The following MARCHF8 variants were observed in gnomAD, a reference collection of about 807,000 sequenced individuals.
MARCHF8 encodes membrane associated ring-CH-type finger 8.
MARCHF8 carries 40 observed loss-of-function variants against 51.6 expected under a neutral mutation model. The ratio of observed to expected loss-of-function variants is 0.77; its 90% CI spans 0.60 to 1.01. The LOEUF (loss-of-function observed/expected upper bound fraction) is 1.01, where lower values mean the gene tolerates loss of function less well. MARCHF8 is among the 50% of genes least tolerant of loss of function. The probability of loss-of-function intolerance (pLI) is 0.00; values close to 1 mark genes in which losing one functional copy is unlikely to be tolerated. For synonymous variants in MARCHF8, 263 were observed against 280.3 expected (o/e 0.94, Z 0.62); for missense variants, 685 against 708.6 (o/e 0.97, Z 0.38).
intron 1 of MARCHF8, among the ~76,000 whole-genome samples, chr10:45,567,589 G>T (rs187632297): frequency 6.6e-6 from 1 of 152,104 alleles, no homozygotes; most frequent in Non-Finnish European, 1.5e-5. Flanking sequence ...CTCACTGTAC[G>T]TGTGTGGATT....
At chr10:45,544,398 G>T (rs779790936) in intron 1 of MARCHF8, among the ~76,000 whole-genome samples, 1 of 152,108 alleles carries the variant, frequency 6.6e-6, no homozygotes, top group Non-Finnish European at 1.5e-5. Flanking sequence ...GAAAACATAC[G>T]TCCACACAAA....
chr10:45,582,548 C>G (rs1189443692), intron 1 of MARCHF8, among the ~76,000 whole-genome samples: 1 of 152,140 alleles, frequency 6.6e-6, no homozygotes, highest in Non-Finnish European at 1.5e-5. Flanking sequence ...CCAGCCAGTT[C>G]AAACCCAATC....
chr10:45,537,113 C>A (rs1033319765), upstream of MARCHF8, among the ~76,000 whole-genome samples: 1 of 151,790 alleles, frequency 6.6e-6, no homozygotes, highest in East Asian at 1.9e-4. Flanking sequence ...ATCATATGAC[C>A]CAACAACTTC....
At position 45,463,876 on chromosome 10, in the gene MARCHF8, C is replaced by T. The variant is rs1377694794; in HGVS notation, c.363G>A (p.Lys121=). ...TTCTCTTTGACGCCTGTAATGTGTC[C>T]TTACAGATAACTGTCACAGTGAGCC... ...TQGLTVTVIC[K]DTLQASKRNS... Residue 121 remains lysine (K), a synonymous_variant, in exon 5 of 8, where the codon AAG becomes AAA. Coordinates refer to ENST00000453424, the MANE Select transcript of MARCHF8 (RefSeq NM_001282866.2). 1 of 1,537,978 alleles carries T rather than the reference C, an allele frequency of 6.5e-7. No individual in the cohort carries two copies. The highest frequency in any genetic ancestry group is 8.7e-7 in the Non-Finnish European group (1 of 1,146,944).
intron 1 of MARCHF8, among the ~76,000 whole-genome samples, chr10:45,569,827 A>G (rs1040881589): frequency 6.6e-6 from 1 of 152,230 alleles, no homozygotes; most frequent in African/African-American, 2.4e-5. Flanking sequence ...TAAATATTCC[A>G]ATTAAAATGT....
intron 3 of MARCHF8, among the ~76,000 whole-genome samples, chr10:45,486,179 T>C (rs979037731): frequency 6.6e-6 from 1 of 152,172 alleles, no homozygotes; most frequent in Non-Finnish European, 1.5e-5. Context: ...AAAGGCTCAC[T>C]CCACTCAGAT....
At chr10:45,513,274 C>G (rs1381807303) in intron 2 of MARCHF8, among the ~76,000 whole-genome samples, 4 of 151,996 alleles carry the variant, frequency 2.6e-5, no homozygotes, top group African/African-American at 7.3e-5. Context: ...ACTGTAACTG[C>G]TTCCTACAGT....
chr10:45,568,871 A>G (rs904700851), intron 1 of MARCHF8, among the ~76,000 whole-genome samples: 1 of 151,870 alleles, frequency 6.6e-6, no homozygotes, highest in East Asian at 1.9e-4. Flanking sequence ...GATCGAGACC[A>G]TCTTGGCTAA....
rs1408760171 is a variant in MARCHF8, at chr10:45,464,119, C to T, written c.242+120G>A. ...TGGTGAGCAAACCACACATAAAACT[C>T]GCCAACTGTTTAGACCAAAGGCAGA... is the stretch of plus-strand genomic sequence containing the variant. On this transcript the variant is annotated intron_variant, in intron 4 of 7. Transcript: ENST00000453424. The T allele has an allele frequency of 5.2e-6, 8 of 1,532,768 alleles. No homozygotes were observed. In the South Asian group the frequency reaches 6.0e-5, roughly 11 times the overall value. The allele number at this position is 1,532,768 out of a possible 1,614,324, so 94.9% of individuals were successfully genotyped here.
At chr10:45,512,863 C>A (rs2043554093) in intron 2 of MARCHF8, among the ~76,000 whole-genome samples, 1 of 152,086 alleles carries the variant, frequency 6.6e-6, no homozygotes, top group Admixed American at 6.5e-5. Flanking sequence ...GGAGACTTTT[C>A]ATTTTGTTCT....
At chr10:45,543,737 G>C (rs1475002411) in intron 1 of MARCHF8, among the ~76,000 whole-genome samples, 1 of 143,776 alleles carries the variant, frequency 7.0e-6, no homozygotes, top group African/African-American at 2.6e-5. Flanking sequence ...GGCGGAGCTT[G>C]CAGTGAGCCA....
intron 1 of MARCHF8, among the ~76,000 whole-genome samples, chr10:45,582,453 T>C (rs2044566070): frequency 1.3e-5 from 2 of 152,144 alleles, no homozygotes; most frequent in African/African-American, 4.8e-5. Context: ...CCACAAGCTG[T>C]TACAGTTAGC....
intron 1 of MARCHF8, among the ~76,000 whole-genome samples, chr10:45,592,743 T>TTTGAGCTGGCACTA (rs2044695521): frequency 6.6e-6 from 1 of 152,216 alleles, no homozygotes. Context: ...CCAGCTCTGC[T>TTTGAGCTGGCACTA]TTGAGCTGGC....
chr10:45,588,179 A>C (rs2044638162), intron 1 of MARCHF8, among the ~76,000 whole-genome samples: 1 of 151,886 alleles, frequency 6.6e-6, no homozygotes, highest in Admixed American at 6.6e-5. Context: ...AAAAAAAAAG[A>C]AAATCCTTAC....
chr10:45,577,023 T>C (rs1167415660), intron 1 of MARCHF8, among the ~76,000 whole-genome samples: 1 of 150,766 alleles, frequency 6.6e-6, no homozygotes, highest in Non-Finnish European at 1.5e-5. Flanking sequence ...TATTAAGACT[T>C]GAGGACTTTA....
intron 1 of MARCHF8, among the ~76,000 whole-genome samples, chr10:45,582,950 CA>C (rs1289267529): frequency 6.6e-6 from 1 of 152,094 alleles, no homozygotes; most frequent in African/African-American, 2.4e-5. Context: ...TAACCACAGT[CA>C]GAGAGTGGGA....
At chr10:45,496,271 A>G (rs2043173510) in intron 2 of MARCHF8, among the ~76,000 whole-genome samples, 1 of 152,128 alleles carries the variant, frequency 6.6e-6, no homozygotes, top group African/African-American at 2.4e-5. Context: ...TTGCATATAT[A>G]TTTTCCTTTC....
chr10:45,475,738 G>A (rs1080264), intron 3 of MARCHF8, among the ~76,000 whole-genome samples: 121,328 of 151,998 alleles, frequency 0.8, 48,860 homozygotes, highest in African/African-American at 0.9. Context: ...CACTACCAGC[G>A]TTTGAGCAAG....
At position 45,458,231 on chromosome 10, in the gene MARCHF8, G is replaced by C; in HGVS notation, c.*8C>G. The C allele has an allele frequency of 6.3e-7, 1 of 1,598,764 alleles. No homozygotes were observed. Among genetic ancestry groups the C allele is most frequent in the Non-Finnish European group, 8.5e-7 (1 of 1,172,618 alleles). On this transcript the variant is annotated 3_prime_UTR_variant, in exon 8 of 8. Transcript: ENST00000453424. The stretch of plus-strand genomic sequence containing the variant: ...TGGATGTCCAGGAAAATGACAACCC[G>C]CACACAATCAGACGTGAATGATTTC...
Sources: allele counts gnomAD v4.1 joint callset (sites outside exome capture counted in the v4.1 genomes callset), GRCh38; gene constraint gnomAD v4.1.1; transcripts MANE v1.5; gene names NCBI Gene and HGNC (gene_info 2026-07-23, HGNC 2026-07-21).